The following PRUNE2 variants were observed in gnomAD, a reference collection of about 807,000 sequenced individuals.
PRUNE2 encodes prune homolog 2 with BCH domain.
A neutral mutation model predicts 252.0 loss-of-function variants in PRUNE2; 164 were observed. The observed-to-expected ratio is 0.65, with a 90% CI of 0.57 to 0.74. The LOEUF is 0.74. Ranked by LOEUF, PRUNE2 falls within the 30% of genes least tolerant of loss-of-function variation. PRUNE2 has a pLI of 0.00. For missense variants in PRUNE2, 3,495 were observed against 3,711.0 expected (o/e 0.94, Z 1.51); for synonymous variants, 1,292 against 1,350.2 (o/e 0.96, Z 0.94).
intron 9 of PRUNE2, among the ~76,000 whole-genome samples, chr9:76,679,314 C>T (rs1210022736): frequency 6.6e-6 from 1 of 152,062 alleles, no homozygotes; most frequent in Non-Finnish European, 1.5e-5. Context: ...ACCAAGTGAC[C>T]TGGATTCCAA....
rs376665436 is a variant in PRUNE2, at chr9:76,703,985, C to T, written c.7628G>A (p.Arg2543His). The T allele has an allele frequency of 1.2e-5, 19 of 1,613,782 alleles. No homozygotes were observed. Among genetic ancestry groups the T allele is most frequent in the African/African-American group, 8.0e-5 (6 of 75,016 alleles). ...TATGTAATCCATGTGTAGTGCATGACGATCTTCATTCTTCTCTGTACATCT... is the reference window on the plus strand; with the variant it reads ...TATGTAATCCATGTGTAGTGCATGATGATCTTCATTCTTCTCTGTACATCT... ...EERCTEKNED[R>H]HALHMDYILV... The change falls in exon 9 of 19, where the codon CGT (arginine) becomes CAT (histidine). Residue 2543 changes from arginine (R) to histidine (H), a missense_variant. Coordinates refer to ENST00000376718, the MANE Select transcript of PRUNE2 (RefSeq NM_015225.3).
At chr9:76,889,171 C>A (rs1051525491) in intron 1 of PRUNE2, among the ~76,000 whole-genome samples, 1 of 152,026 alleles carries the variant, frequency 6.6e-6, no homozygotes, top group African/African-American at 2.4e-5. Flanking sequence ...TATTTATGGT[C>A]CTTCCTTGCT....
chr9:76,690,298 G>C (rs1399994828), intron 9 of PRUNE2, among the ~76,000 whole-genome samples: 1 of 152,198 alleles, frequency 6.6e-6, no homozygotes, highest in Non-Finnish European at 1.5e-5. Flanking sequence ...ACTCTGGCAG[G>C]AACTTGGTTC....
At chr9:76,767,235 T>A (rs1227543475) in intron 6 of PRUNE2, among the ~76,000 whole-genome samples, 1 of 152,086 alleles carries the variant, frequency 6.6e-6, no homozygotes, top group Non-Finnish European at 1.5e-5. Context: ...GCAGATCACT[T>A]GAGGTCGGGA....
chr9:76,837,802 T>G (rs561863527), intron 4 of PRUNE2, among the ~76,000 whole-genome samples: 19 of 149,704 alleles, frequency 1.3e-4, no homozygotes, highest in Admixed American at 8.0e-4. Context: ...GACGGAGTCT[T>G]GCTCTGTCGC....
intron 17 of PRUNE2, among the ~76,000 whole-genome samples, chr9:76,620,360 C>T (rs1400413720): frequency 1.3e-5 from 2 of 152,068 alleles, no homozygotes; most frequent in African/African-American, 4.8e-5. Flanking sequence ...AGGCTGGTCT[C>T]AAACTCCTGG....
At chr9:76,783,833 T>A (rs2054685202) in intron 6 of PRUNE2, 1 of 152,160 alleles carries the variant, frequency 6.6e-6, no homozygotes, top group Admixed American at 6.5e-5. Flanking sequence ...TTTTTGCACA[T>A]TTCCAGCCCC....
intron 9 of PRUNE2, among the ~76,000 whole-genome samples, chr9:76,678,795 T>G (rs1389529011): frequency 6.6e-6 from 1 of 152,168 alleles, no homozygotes; most frequent in African/African-American, 2.4e-5. Flanking sequence ...GCCACTGCAC[T>G]CCAGCCTGGG....
chr9:76,760,849 G>A (rs1478835202), intron 6 of PRUNE2, among the ~76,000 whole-genome samples: 1 of 152,146 alleles, frequency 6.6e-6, no homozygotes, highest in Non-Finnish European at 1.5e-5. Flanking sequence ...ACTTTGGGAG[G>A]TGGAGGTGGG....
At chr9:76,837,245 C>T (rs986436061) in intron 4 of PRUNE2, among the ~76,000 whole-genome samples, 8 of 152,116 alleles carry the variant, frequency 5.3e-5, no homozygotes, top group Middle Eastern at 3.4e-3. Context: ...CGATTGAGAC[C>T]ATCCTGGCCA....
intron 17 of PRUNE2, among the ~76,000 whole-genome samples, chr9:76,623,957 A>G (rs1441360868): frequency 6.6e-6 from 1 of 152,214 alleles, no homozygotes; most frequent in Non-Finnish European, 1.5e-5. Context: ...TTGTTTTTCT[A>G]TTCATCAAAA....
rs1461740624 is a variant in PRUNE2, at chr9:76,652,628, T to C, written c.8412A>G (p.Thr2804=). The C allele has an allele frequency of 6.2e-7, 1 of 1,613,128 alleles. No individual in the cohort carries two copies. Among genetic ancestry groups the C allele is most frequent in the African/African-American group, 1.3e-5 (1 of 74,872 alleles). Residue 2804 remains threonine (T), a synonymous_variant, in exon 11 of 19, where the codon ACA becomes ACG. Coordinates refer to ENST00000376718, the MANE Select transcript of PRUNE2 (RefSeq NM_015225.3). ...NDTHPRRIKL[T]APNINLSLDQ... is the part of the protein sequence containing the mutation. ...CCAGAGAAAGATTGATATTTGGGGC[T>C]GTGAGCTTGATTCTCCGAGGATGAG...
chr9:76,620,546 T>C (rs1046358798), intron 17 of PRUNE2, among the ~76,000 whole-genome samples: 7 of 152,178 alleles, frequency 4.6e-5, no homozygotes, highest in Non-Finnish European at 1.0e-4. Flanking sequence ...TTTCACAAGC[T>C]AATTTATCTG....
At chr9:76,736,576 G>C (rs949187545) in intron 6 of PRUNE2, 2 of 152,202 alleles carry the variant, frequency 1.3e-5, no homozygotes, top group African/African-American at 2.4e-5. Context: ...CTGATTCATA[G>C]GCTGCCATCT....
At chr9:76,903,883 C>T (rs1050184511) in intron 1 of PRUNE2, among the ~76,000 whole-genome samples, 1 of 152,196 alleles carries the variant, frequency 6.6e-6, no homozygotes, top group Non-Finnish European at 1.5e-5. Flanking sequence ...CCACCACACC[C>T]GGCCAAATCT....
Position 76,709,053 on chromosome 9 carries a change from C to T in PRUNE2, c.3221G>A (p.Ser1074Asn). Residue 1074 changes from serine (S) to asparagine (N), a missense_variant, in exon 8 of 19, where the codon AGC becomes AAC. Ser to Asn is a conservative substitution (Grantham distance 46). Transcript: ENST00000376718. Reference sequence around the variant, plus strand: ...GGGGTCGTCGTAACTGGACTGGCTGCTTTCCCCGACGTCATCCTCCATGGA... The same window carrying T: ...GGGGTCGTCGTAACTGGACTGGCTGTTTTCCCCGACGTCATCCTCCATGGA... Reference protein sequence around the residue: ...NISMEDDVGESSQSSYDDPSM... With the variant: ...NISMEDDVGENSQSSYDDPSM... 6.2e-7 allele frequency: 1 copy of T among 1,613,984 alleles called. No homozygotes were observed. The highest frequency in any genetic ancestry group is 1.3e-5 in the African/African-American group (1 of 75,030).
chr9:76,894,716 G>GAAAAAAAAAAAAAAA (rs1170899729), intron 1 of PRUNE2, among the ~76,000 whole-genome samples: 7,945 of 108,610 alleles, frequency 0.073, 427 homozygotes, highest in South Asian at 0.14. Flanking sequence ...ATTTTCTGCA[G>GAAAAAAAAAAAAAAA]CAAAAAAAAA....
At chr9:76,682,583 G>T (rs1001688513) in intron 9 of PRUNE2, among the ~76,000 whole-genome samples, 1 of 152,000 alleles carries the variant, frequency 6.6e-6, no homozygotes, top group African/African-American at 2.4e-5. Context: ...TGGTCAGGCT[G>T]GTCTTGAACT....
At chr9:76,833,566 C>A (rs1027378110) in intron 4 of PRUNE2, among the ~76,000 whole-genome samples, 1 of 151,738 alleles carries the variant, frequency 6.6e-6, no homozygotes, top group Non-Finnish European at 1.5e-5. Flanking sequence ...GAGATCGAGA[C>A]CATCCTGGCT....
Sources: gnomAD v4.1 joint callset for allele counts (sites outside exome capture counted in the v4.1 genomes callset) on GRCh38, gnomAD v4.1.1 for gene constraint, MANE v1.5 for transcripts, NCBI Gene and HGNC (gene_info 2026-07-23, HGNC 2026-07-21) for gene names.